Variants in MPPED1 observed in about 807,000 individuals in gnomAD.
The protein encoded by MPPED1 is metallophosphoesterase domain containing 1.
In MPPED1, 16 loss-of-function variants were observed where a neutral mutation model predicts 36.2. That is an observed-to-expected ratio of 0.44 (90% CI 0.30 to 0.67). The LOEUF (loss-of-function observed/expected upper bound fraction) is 0.67, where lower values mean the gene tolerates loss of function less well. Ranked by LOEUF, MPPED1 falls within the 30% of genes least tolerant of loss-of-function variation. The pLI is 0.10. For missense variants in MPPED1, 307 were observed against 453.4 expected (o/e 0.68, Z 2.93); for synonymous variants, 199 against 191.3 (o/e 1.04, Z -0.33).
intron 1 of MPPED1, among the ~76,000 whole-genome samples, chr22:43,415,920 T>C (rs1364858116): frequency 6.6e-6 from 1 of 152,216 alleles, no homozygotes; most frequent in Non-Finnish European, 1.5e-5. Context: ...ATTTCATCAC[T>C]TCAAGGAGAA....
chr22:43,417,712 C>T, intron 1 of MPPED1: 1 of 198,714 alleles, frequency 5.0e-6, no homozygotes, highest in Admixed American at 5.3e-5. Flanking sequence ...CACATTGCAA[C>T]AAAAGCCCTA....
intron 1 of MPPED1, among the ~76,000 whole-genome samples, chr22:43,420,522 A>AC (rs1259421886): frequency 6.6e-6 from 1 of 150,704 alleles, no homozygotes; most frequent in African/African-American, 2.4e-5. Context: ...CTTCTACCTC[A>AC]CCCTCCCGAG....
intron 2 of MPPED1, among the ~76,000 whole-genome samples, chr22:43,432,090 C>G (rs982506192): frequency 1.3e-5 from 2 of 152,120 alleles, no homozygotes; most frequent in African/African-American, 4.8e-5. Flanking sequence ...ACTGTCGGGT[C>G]CCTAGCAGCT....
At chr22:43,493,087 A>G (rs1932153363) in intron 4 of MPPED1, among the ~76,000 whole-genome samples, 1 of 152,178 alleles carries the variant, frequency 6.6e-6, no homozygotes, top group Non-Finnish European at 1.5e-5. Flanking sequence ...GTGGCCACCC[A>G]TCCTCCTCTG....
intron 3 of MPPED1, among the ~76,000 whole-genome samples, chr22:43,461,985 C>G (rs1422030598): frequency 6.6e-6 from 1 of 152,170 alleles, no homozygotes; most frequent in East Asian, 1.9e-4. Context: ...TAGTAGCTGC[C>G]TGATCTGCCC....
intron 6 of MPPED1, among the ~76,000 whole-genome samples, chr22:43,504,562 G>T (rs1393893254): frequency 1.3e-5 from 2 of 151,600 alleles, no homozygotes; most frequent in Non-Finnish European, 2.9e-5. Context: ...TAGCAAAGAT[G>T]ATGGCATTGG....
At chr22:43,494,182 C>A (rs531288765) in intron 4 of MPPED1, among the ~76,000 whole-genome samples, 2 of 152,074 alleles carry the variant, frequency 1.3e-5, no homozygotes, top group Non-Finnish European at 2.9e-5. Flanking sequence ...ACTACAGGTG[C>A]GCGCCATCAT....
chr22:43,454,275 C>T (rs1269151155), intron 3 of MPPED1, among the ~76,000 whole-genome samples: 1 of 151,824 alleles, frequency 6.6e-6, no homozygotes, highest in East Asian at 1.9e-4. Context: ...TCCCAAAGTA[C>T]TGGGATTACA....
chr22:43,482,863 G>T (rs1931793717), intron 4 of MPPED1, among the ~76,000 whole-genome samples: 1 of 152,220 alleles, frequency 6.6e-6, no homozygotes, highest in Admixed American at 6.5e-5. Flanking sequence ...CGCTTAGCAG[G>T]CCTGCCAGTT....
intron 3 of MPPED1, among the ~76,000 whole-genome samples, chr22:43,460,066 G>C (rs1258980151): frequency 1.3e-5 from 2 of 152,078 alleles, no homozygotes; most frequent in Non-Finnish European, 2.9e-5. Flanking sequence ...AATTAGCCGG[G>C]TGTGGTGGCA....
chr22:43,505,672 G>T lies in MPPED1; in HGVS notation c.*56G>T, dbSNP rs1016680959. ...CGTGTCAGCTCCACAGGCCTGGCCC[G>T]GCCACTGTTCCTTCCATGCTGAGTT... is the stretch of plus-strand genomic sequence containing the variant. On this transcript the variant is annotated 3_prime_UTR_variant, in exon 7 of 7. Transcript: ENST00000443721. 6 of 1,480,798 alleles carry T rather than the reference G, an allele frequency of 4.1e-6. No homozygotes were observed. In the African/African-American group the frequency reaches 7.0e-5, roughly 17 times the overall value. The allele number at this position is 1,480,798 out of a possible 1,614,324, so 91.7% of individuals were successfully genotyped here.
intron 6 of MPPED1, among the ~76,000 whole-genome samples, chr22:43,503,643 C>T (rs1932768317): frequency 6.6e-6 from 1 of 152,188 alleles, no homozygotes; most frequent in South Asian, 2.1e-4. Flanking sequence ...CTCACCTGGC[C>T]CTGGAGTAGC....
At chr22:43,480,637 A>G (rs1931719261) in intron 4 of MPPED1, among the ~76,000 whole-genome samples, 1 of 152,058 alleles carries the variant, frequency 6.6e-6, no homozygotes, top group African/African-American at 2.4e-5. Context: ...GATGTTACTA[A>G]TAGCTTTTCC....
At chr22:43,459,201 A>G (rs1019214961) in intron 3 of MPPED1, among the ~76,000 whole-genome samples, 10 of 152,086 alleles carry the variant, frequency 6.6e-5, no homozygotes, top group Non-Finnish European at 1.0e-4. Flanking sequence ...CAGCCTCCCA[A>G]GTAGCTGGGA....
chr22:43,471,326 C>T (rs868729490), intron 3 of MPPED1, among the ~76,000 whole-genome samples: 3 of 152,214 alleles, frequency 2.0e-5, no homozygotes, highest in Admixed American at 6.5e-5. Flanking sequence ...CACCCCCAAC[C>T]CGAGCTGGGG....
At chr22:43,486,336 A>G (rs544238348) in intron 4 of MPPED1, among the ~76,000 whole-genome samples, 3 of 151,108 alleles carry the variant, frequency 2.0e-5, no homozygotes, top group Admixed American at 6.6e-5. Context: ...GGCTGTGGCC[A>G]TGGCTGGCTC....
At chr22:43,447,854 A>ATT (rs1930401716) in intron 3 of MPPED1, among the ~76,000 whole-genome samples, 3 of 75,950 alleles carry the variant, frequency 3.9e-5, no homozygotes, top group Non-Finnish European at 8.2e-5. Context: ...TTATATATGT[A>ATT]AATATTATAT....
Position 43,445,558 on chromosome 22 carries a change from CT to C in MPPED1, c.406+10362del, listed in dbSNP as rs135055. Among the ~76,000 whole-genome samples, 433 of 123,870 alleles carry C rather than the reference CT, an allele frequency of 3.5e-3. 6 individuals carry two copies. The highest frequency in any genetic ancestry group is 4.1e-3 in the Non-Finnish European group (252 of 61,996). 81.3% of individuals were successfully genotyped at this position (123,870 alleles called of 152,430 possible). A position where few individuals can be genotyped will look rare whatever the true frequency, so the allele number is the denominator to read the frequency against. On this transcript the variant is annotated intron_variant, in intron 3 of 6. Transcript: ENST00000443721. ...CTATATCTTTGCTGTCTGATGTTTC[CT>C]TTTTTTTTTTTTTTTTTTGCAGACA...
At chr22:43,429,178 T>C (rs565222325) in intron 2 of MPPED1, among the ~76,000 whole-genome samples, 4 of 152,062 alleles carry the variant, frequency 2.6e-5, no homozygotes, top group Non-Finnish European at 5.9e-5. Context: ...CTCAGGTCAA[T>C]GTGGACACCC....
Sources: allele counts gnomAD v4.1 joint callset (sites outside exome capture counted in the v4.1 genomes callset), GRCh38; gene constraint gnomAD v4.1.1; transcripts MANE v1.5; gene names NCBI Gene and HGNC (gene_info 2026-07-23, HGNC 2026-07-21).